The following GNAL variants were observed in gnomAD, a reference collection of about 807,000 sequenced individuals.
GNAL encodes G protein subunit alpha L.
GNAL carries 18 observed loss-of-function variants against 55.1 expected under a neutral mutation model. That is an observed-to-expected ratio of 0.33 (90% CI 0.23 to 0.48). The LOEUF (loss-of-function observed/expected upper bound fraction) is 0.48, where lower values mean the gene tolerates loss of function less well. Among genes scored for constraint, GNAL ranks in the 20% least tolerant of loss-of-function variants. The pLI is 0.99. For missense variants in GNAL, 412 were observed against 614.1 expected (o/e 0.67, Z 3.48); for synonymous variants, 253 against 237.0 (o/e 1.07, Z -0.62).
At chr18:11,719,991 C>G (rs764363852) in intron 1 of GNAL, among the ~76,000 whole-genome samples, 33 of 152,194 alleles carry the variant, frequency 2.2e-4, no homozygotes, top group Non-Finnish European at 4.6e-4. Context: ...AGCAGGGCTC[C>G]TCAACCTTTA....
intron 4 of GNAL, among the ~76,000 whole-genome samples, chr18:11,773,838 C>G (rs1598445792): frequency 6.6e-6 from 1 of 152,168 alleles, no homozygotes; most frequent in African/African-American, 2.4e-5. Context: ...ACAATCGCAT[C>G]TGAGTAATTT....
rs2032882749 is a variant in GNAL, at chr18:11,752,481, C to A, written c.377-372C>A. 1.2e-6 allele frequency: 2 copies of A among 1,611,910 alleles called. No individual in the cohort carries two copies. The highest frequency in any genetic ancestry group is 2.7e-5 in the African/African-American group (2 of 74,628). ...GCAAGACGACGGAAGACCAGGGCGT[C>A]GATGAAAAAGAACGACGCGAGGCCA... On this transcript the variant is annotated intron_variant, in intron 1 of 11. Transcript: ENST00000334049. This position sits in a 1 kb window ranked among gnomAD's most constrained non-coding sequence, Gnocchi z 4.5.
At chr18:11,704,828 T>C (rs768213262) in intron 1 of GNAL, among the ~76,000 whole-genome samples, 1 of 152,110 alleles carries the variant, frequency 6.6e-6, no homozygotes, top group Non-Finnish European at 1.5e-5. Context: ...TTGAAATGCA[T>C]ACAGAAAACA....
At chr18:11,709,180 A>G (rs2031780805) in intron 1 of GNAL, among the ~76,000 whole-genome samples, 1 of 152,142 alleles carries the variant, frequency 6.6e-6, no homozygotes, top group South Asian at 2.1e-4. Flanking sequence ...TGCCAGTACC[A>G]TACTGTTTTA....
intron 4 of GNAL, among the ~76,000 whole-genome samples, chr18:11,769,512 C>G (rs1166222620): frequency 2.6e-5 from 4 of 151,960 alleles, no homozygotes; most frequent in Non-Finnish European, 5.9e-5. Flanking sequence ...AAGAATGAGC[C>G]CTTGGTCTAC....
chr18:11,747,901 C>G (rs1032148373), intron 1 of GNAL, among the ~76,000 whole-genome samples: 11 of 152,068 alleles, frequency 7.2e-5, no homozygotes, highest in Non-Finnish European at 1.6e-4. Context: ...CCTGGGTCCC[C>G]GCAGGTGGGT....
chr18:11,790,986 C>CGATTGAAATA (rs377450210), intron 4 of GNAL, among the ~76,000 whole-genome samples: 1 of 151,854 alleles, frequency 6.6e-6, no homozygotes, highest in Non-Finnish European at 1.5e-5. Flanking sequence ...AAAACTATTC[C>CGATTGAAATA]AATACTTAAT....
chr18:11,803,321 C>G (rs557157462), intron 4 of GNAL, among the ~76,000 whole-genome samples: 1 of 152,306 alleles, frequency 6.6e-6, no homozygotes, highest in South Asian at 2.1e-4. Flanking sequence ...ATCCAGTATT[C>G]GTCCTTCTGT....
rs532632175 is a variant in GNAL at position 11,752,381 on chromosome 18, A to C, written c.377-472A>C. The C allele has an allele frequency of 9.6e-6, 15 of 1,569,222 alleles. 1 individual carries two copies. The Admixed American group carries it at 1.2e-4, about 12-fold the overall frequency. On this transcript the variant is annotated intron_variant, in intron 1 of 11. Transcript: ENST00000334049. This position sits in a 1 kb window ranked among gnomAD's most constrained non-coding sequence, Gnocchi z 4.5. ...GAGCCGCACACGTCTCCAACTCTCT[A>C]TTGCTTTTTGCGCACATTCCTAACT... is the stretch of plus-strand genomic sequence containing the variant.
At chr18:11,864,342 C>T (rs903898136) in intron 6 of GNAL, among the ~76,000 whole-genome samples, 191 bp from the exon 7 acceptor site, 1 of 152,150 alleles carries the variant, frequency 6.6e-6, no homozygotes, top group Non-Finnish European at 1.5e-5. Context: ...ATCTGCCCAC[C>T]TCAGCCTCCC....
At chr18:11,760,327 G>T (rs1326549598) in intron 4 of GNAL, among the ~76,000 whole-genome samples, 7 of 152,128 alleles carry the variant, frequency 4.6e-5, no homozygotes, top group Non-Finnish European at 7.4e-5. Flanking sequence ...AATTCAAAAT[G>T]GTACTGAAAT....
intron 4 of GNAL, among the ~76,000 whole-genome samples, chr18:11,779,658 G>A (rs2033877350): frequency 1.3e-5 from 2 of 152,130 alleles, no homozygotes; most frequent in Admixed American, 6.5e-5. Context: ...TGGAAAGATG[G>A]GAGTTATTGG....
chr18:11,768,777 C>G (rs1399012385), intron 4 of GNAL, among the ~76,000 whole-genome samples: 1 of 147,362 alleles, frequency 6.8e-6, no homozygotes, highest in African/African-American at 2.5e-5. Flanking sequence ...GCCTGTAGTC[C>G]CAGCTACTCG....
At chr18:11,857,788 G>T (rs2036042759) in intron 5 of GNAL, 5 of 965,506 alleles carry the variant, frequency 5.2e-6, no homozygotes, top group Non-Finnish European at 6.2e-6. Flanking sequence ...GTCACCACGT[G>T]AGTAATGTTT....
rs1361130255 is a variant in GNAL at position 11,751,156 on chromosome 18, A to G, written c.377-1697A>G. 6.6e-6 allele frequency among the ~76,000 whole-genome samples: 1 copy of G among 152,096 alleles called. No individual in the cohort carries two copies. The highest frequency in any genetic ancestry group is 6.5e-5 in the Admixed American group (1 of 15,280). On this transcript the variant is annotated intron_variant, in intron 1 of 11. Coordinates refer to ENST00000334049, the MANE Select transcript of GNAL (RefSeq NM_182978.4). This position sits in a 1 kb window ranked among gnomAD's most constrained non-coding sequence, Gnocchi z 4.5. ...GACGGTCAACTGGGAGCCGCCACAC[A>G]CAAGGAACAGTGATTTCTCCACGCC...
chr18:11,719,536 T>C (rs2143396947), intron 1 of GNAL, among the ~76,000 whole-genome samples: 1 of 152,354 alleles, frequency 6.6e-6, no homozygotes, highest in South Asian at 2.1e-4. Flanking sequence ...TGAGCCTGCC[T>C]TAAATACAAG....
intron 1 of GNAL, among the ~76,000 whole-genome samples, chr18:11,709,737 C>A (rs1258949887): frequency 6.6e-6 from 1 of 152,076 alleles, no homozygotes; most frequent in African/African-American, 2.4e-5. Flanking sequence ...TAAGATCATG[C>A]CATCTGCAAG....
At chr18:11,811,412 T>TC (rs1283965964) in intron 4 of GNAL, 1 of 152,794 alleles carries the variant, frequency 6.5e-6, no homozygotes, top group African/African-American at 2.4e-5. Flanking sequence ...TGTGAACTGG[T>TC]CAGTCCTGGC....
At chr18:11,698,277 G>A (rs1374374697) in intron 1 of GNAL, among the ~76,000 whole-genome samples, 2 of 152,170 alleles carry the variant, frequency 1.3e-5, no homozygotes, top group East Asian at 3.9e-4. Context: ...TGGATCATGA[G>A]GTCAAGAGAT....
Sources: gnomAD v4.1 joint callset for allele counts (sites outside exome capture counted in the v4.1 genomes callset) on GRCh38, gnomAD v4.1.1 for gene constraint, Gnocchi (gnomAD v3.1) non-coding constraint, MANE v1.5 for transcripts, NCBI Gene and HGNC (gene_info 2026-07-23, HGNC 2026-07-21) for gene names.